CHCHD6: variants seen among roughly 807,000 people sequenced by gnomAD.
CHCHD6 encodes the protein coiled-coil-helix-coiled-coil-helix domain containing 6.
CHCHD6 carries 28 observed loss-of-function variants against 32.3 expected under a neutral mutation model. That is an observed-to-expected ratio of 0.87 (90% confidence interval 0.64 to 1.19). The LOEUF (loss-of-function observed/expected upper bound fraction) is 1.19. Among genes scored for constraint, CHCHD6 ranks in the 50% most tolerant of loss-of-function variants. The pLI is 0.00. For synonymous variants in CHCHD6, 122 were observed against 117.5 expected (o/e 1.04, Z -0.25); for missense variants, 333 against 307.0 (o/e 1.08, Z -0.63).
intron 4 of CHCHD6, among the ~76,000 whole-genome samples, chr3:126,804,295 A>T (rs1284532294): frequency 6.6e-6 from 1 of 152,312 alleles, no homozygotes; most frequent in East Asian, 1.9e-4. Flanking sequence ...GAAAGGATCA[A>T]CAAAATTGAT....
chr3:126,947,849 T>G (rs150367673), intron 6 of CHCHD6, among the ~76,000 whole-genome samples: 203 of 152,330 alleles, frequency 1.3e-3, no homozygotes, highest in African/African-American at 4.8e-3. Context: ...AGGAACCGGC[T>G]CATAAGCTAC....
chr3:126,738,508 C>T (rs953590313), intron 4 of CHCHD6, among the ~76,000 whole-genome samples: 3 of 152,118 alleles, frequency 2.0e-5, no homozygotes, highest in Admixed American at 6.5e-5. Flanking sequence ...TTGTCTTGTT[C>T]CTCAGATTAT....
At chr3:126,871,936 A>G (rs1428382819) in intron 5 of CHCHD6, among the ~76,000 whole-genome samples, 2 of 152,076 alleles carry the variant, frequency 1.3e-5, no homozygotes, top group African/African-American at 4.8e-5. Flanking sequence ...AAGTGCTGGG[A>G]TCACAGGCAT....
At chr3:126,756,884 CCTT>C (rs957784632) in intron 4 of CHCHD6, among the ~76,000 whole-genome samples, 5 of 152,218 alleles carry the variant, frequency 3.3e-5, no homozygotes, top group African/African-American at 9.6e-5. Context: ...GAGTGGTTAA[CCTT>C]AGTCTGGTTA....
chr3:126,896,402 G>A (rs950205478), intron 5 of CHCHD6, among the ~76,000 whole-genome samples: 2 of 152,136 alleles, frequency 1.3e-5, no homozygotes, highest in Non-Finnish European at 2.9e-5. Context: ...ACCAGGAGGT[G>A]ACAGGGCTCT....
chr3:126,764,096 T>A (rs1287878129), intron 4 of CHCHD6, among the ~76,000 whole-genome samples: 2 of 151,272 alleles, frequency 1.3e-5, no homozygotes, highest in African/African-American at 4.8e-5. Context: ...TATAGATTTA[T>A]AATTTTTTTG....
intron 1 of CHCHD6, among the ~76,000 whole-genome samples, chr3:126,712,724 T>C (rs967507225): frequency 2.6e-5 from 4 of 152,228 alleles, no homozygotes; most frequent in African/African-American, 9.6e-5. Context: ...TTCTGTGCCC[T>C]GTTCCTGGCC....
intron 4 of CHCHD6, among the ~76,000 whole-genome samples, chr3:126,750,812 A>G (rs1363280928): frequency 1.3e-5 from 2 of 152,254 alleles, no homozygotes; most frequent in African/African-American, 2.4e-5. Context: ...CCATAAATGG[A>G]AAGTTTTTCT....
chr3:126,737,341 T>C (rs188518807), intron 4 of CHCHD6, among the ~76,000 whole-genome samples: 14 of 150,448 alleles, frequency 9.3e-5, no homozygotes, highest in African/African-American at 3.4e-4. Flanking sequence ...AGCAAAAACT[T>C]TCTTTTCTTT....
intron 1 of CHCHD6, among the ~76,000 whole-genome samples, chr3:126,704,842 C>A (rs1375177428): frequency 6.6e-6 from 1 of 152,166 alleles, no homozygotes; most frequent in Non-Finnish European, 1.5e-5. Flanking sequence ...ATCTGCGGGG[C>A]GCAGGAAGAA....
chr3:126,766,983 A>C, intron 4 of CHCHD6: 2 of 897,732 alleles, frequency 2.2e-6, no homozygotes, highest in Non-Finnish European at 3.7e-6. Context: ...GGTTAGCGCC[A>C]CAGGCTACGT....
intron 4 of CHCHD6, among the ~76,000 whole-genome samples, chr3:126,827,808 G>A (rs554212777): frequency 6.6e-6 from 1 of 152,344 alleles, no homozygotes; most frequent in South Asian, 2.1e-4. Flanking sequence ...AGGTGGGGCA[G>A]GGGTGGAGTG....
At chr3:126,891,200 G>A (rs952856905) in intron 5 of CHCHD6, among the ~76,000 whole-genome samples, 2 of 152,182 alleles carry the variant, frequency 1.3e-5, no homozygotes, top group East Asian at 1.9e-4. Flanking sequence ...ATACCATGTC[G>A]GAAAGGCCTG....
chr3:126,789,356 A>C (rs1382375737), intron 4 of CHCHD6, among the ~76,000 whole-genome samples: 1 of 152,150 alleles, frequency 6.6e-6, no homozygotes, highest in African/African-American at 2.4e-5. Context: ...TGCAGAGCTG[A>C]GTTCAATTCC....
intron 4 of CHCHD6, among the ~76,000 whole-genome samples, chr3:126,829,468 T>C (rs573031829): frequency 1.3e-5 from 2 of 151,982 alleles, no homozygotes; most frequent in East Asian, 3.9e-4. Context: ...GGGTTGTTTT[T>C]TATATTTTGT....
intron 4 of CHCHD6, among the ~76,000 whole-genome samples, chr3:126,798,928 T>A (rs1284236645): frequency 6.6e-6 from 1 of 152,218 alleles, no homozygotes; most frequent in Non-Finnish European, 1.5e-5. Flanking sequence ...TGTTCCGTTT[T>A]TCTTTCTTCC....
chr3:126,834,227 C>T (rs1010249574), intron 4 of CHCHD6, among the ~76,000 whole-genome samples: 1 of 152,100 alleles, frequency 6.6e-6, no homozygotes, highest in Non-Finnish European at 1.5e-5. Flanking sequence ...TGACTCAGGG[C>T]TGCTGCTTTC....
intron 6 of CHCHD6, among the ~76,000 whole-genome samples, chr3:126,954,916 C>T (rs1410344558): frequency 6.6e-6 from 1 of 152,184 alleles, no homozygotes; most frequent in East Asian, 1.9e-4. Context: ...TTTAACCCTG[C>T]CTGGGGAGGG....
intron 4 of CHCHD6, among the ~76,000 whole-genome samples, chr3:126,802,924 A>C (rs538158735): frequency 3.9e-5 from 6 of 152,296 alleles, no homozygotes; most frequent in Admixed American, 3.3e-4. Flanking sequence ...ATTCTTAAAG[A>C]AAAGAATTTT....
Sources: allele counts gnomAD v4.1 joint callset (sites outside exome capture counted in the v4.1 genomes callset), GRCh38; gene constraint gnomAD v4.1.1; transcripts MANE v1.5; gene names NCBI Gene and HGNC (gene_info 2026-07-23, HGNC 2026-07-21).